The following R3HDM2 variants were observed in gnomAD, a reference collection of about 807,000 sequenced individuals.
R3HDM2 encodes R3H domain containing 2, also known as R3H domain-containing protein 2.
R3HDM2 carries 38 observed loss-of-function variants against 124.5 expected under a neutral mutation model. The ratio of observed to expected loss-of-function variants is 0.31; its 90% confidence interval spans 0.24 to 0.40. R3HDM2 has a LOEUF of 0.40. R3HDM2 is among the 10% of genes least tolerant of loss of function. The pLI is 1.00. For synonymous variants in R3HDM2, 391 were observed against 448.0 expected (o/e 0.87, Z 1.61); for missense variants, 869 against 1,236.9 (o/e 0.70, Z 4.46).
At chr12:57,346,214 T>G (rs1375403717) in intron 2 of R3HDM2, among the ~76,000 whole-genome samples, 1 of 150,376 alleles carries the variant, frequency 6.6e-6, no homozygotes, top group Non-Finnish European at 1.5e-5. Context: ...CCCAGCACTT[T>G]GGGAGGCCGA....
At chr12:57,269,630 A>ATTGCCTTCTCTCTCAG in intron 15 of R3HDM2, 122 bp downstream of exon 15, 1 of 1,492,726 alleles carries the variant, frequency 6.7e-7, no homozygotes, top group East Asian at 2.3e-5. Flanking sequence ...GGCTAGAACA[A>ATTGCCTTCTCTCTCAG]CTCTCAAGTG....
At chr12:57,288,234 G>A (rs992426544) in intron 12 of R3HDM2, among the ~76,000 whole-genome samples, 3 of 151,878 alleles carry the variant, frequency 2.0e-5, no homozygotes, top group Non-Finnish European at 4.4e-5. Flanking sequence ...TTGAACTCCT[G>A]ACCTCGTGAT....
chr12:57,264,143 G>C (rs2041644914), intron 19 of R3HDM2, among the ~76,000 whole-genome samples: 1 of 151,592 alleles, frequency 6.6e-6, no homozygotes, highest in South Asian at 2.1e-4. Context: ...TTGGGAGGCT[G>C]AGGCAGGAGA....
At chr12:57,267,586 T>A (rs1167864163) in intron 18 of R3HDM2, among the ~76,000 whole-genome samples, 1 of 151,444 alleles carries the variant, frequency 6.6e-6, no homozygotes, top group African/African-American at 2.4e-5. Flanking sequence ...ACAAATATAG[T>A]CACATAAAGA....
intron 2 of R3HDM2, among the ~76,000 whole-genome samples, chr12:57,351,154 C>T (rs2060637595): frequency 6.6e-6 from 1 of 152,096 alleles, no homozygotes; most frequent in African/African-American, 2.4e-5. Context: ...GTGGTCCCAG[C>T]TACTCAGAAG....
intron 1 of R3HDM2, among the ~76,000 whole-genome samples, chr12:57,423,335 A>G (rs1219064627): frequency 1.3e-5 from 2 of 151,692 alleles, no homozygotes; most frequent in Non-Finnish European, 2.9e-5. Context: ...AAAGTGGGAG[A>G]CTTGCTTGAA....
At chr12:57,406,518 G>A (rs1233716482) in intron 1 of R3HDM2, among the ~76,000 whole-genome samples, 1 of 151,996 alleles carries the variant, frequency 6.6e-6, no homozygotes, top group Non-Finnish European at 1.5e-5. Context: ...TATACAAATT[G>A]TACCTCAGAG....
chr12:57,255,005 A>G lies in R3HDM2; in HGVS notation c.2741T>C (p.Leu914Pro). ...TCCAGGCAGCCCCTGAGCATCCTTG[A>G]GCCACTGGATCTTGGCGCCAGACAT... ...LAMSGAKIQW[L>P]KDAQGLPGGG... is the part of the protein sequence containing the mutation. The change falls in exon 24 of 24, where the codon CTC becomes CCC. Residue 914 changes from leucine to proline, a missense_variant. By Grantham distance (98) the Leu-to-Pro change is moderately conservative. Around this residue, in one of 2 missense-constraint regions of R3HDM2, gnomAD observed 602 missense variants for 789.2 expected, o/e 0.76. Transcript: ENST00000402412. The G allele has an allele frequency of 6.2e-7, 1 of 1,603,626 alleles. No homozygotes were observed. Among genetic ancestry groups the G allele is most frequent in the Non-Finnish European group, 8.5e-7 (1 of 1,173,794 alleles).
chr12:57,373,226 C>T (rs748873211), intron 2 of R3HDM2, among the ~76,000 whole-genome samples: 84 of 152,086 alleles, frequency 5.5e-4, no homozygotes, highest in Non-Finnish European at 3.2e-4. Context: ...ACAAGCCGGG[C>T]GCGGTGGCTC....
intron 1 of R3HDM2, among the ~76,000 whole-genome samples, chr12:57,421,112 CTG>C (rs1268869819): frequency 1.3e-5 from 2 of 151,470 alleles, no homozygotes; most frequent in Non-Finnish European, 2.9e-5. Flanking sequence ...CTCTCTTGCT[CTG>C]TAGCTTTGTC....
chr12:57,372,031 C>T (rs921565363), intron 2 of R3HDM2, among the ~76,000 whole-genome samples: 1 of 152,158 alleles, frequency 6.6e-6, no homozygotes, highest in Non-Finnish European at 1.5e-5. Context: ...ACACACCGGG[C>T]TAATTTTTTA....
chr12:57,287,105 T>C (rs976492719), intron 12 of R3HDM2, among the ~76,000 whole-genome samples: 1 of 152,194 alleles, frequency 6.6e-6, no homozygotes, highest in East Asian at 1.9e-4. Flanking sequence ...GACACTAAAC[T>C]AAGAATCAGC....
chr12:57,318,590 G>A (rs1368305990), intron 2 of R3HDM2, among the ~76,000 whole-genome samples: 1 of 151,786 alleles, frequency 6.6e-6, no homozygotes, highest in African/African-American at 2.4e-5. Context: ...GGAGGTTGTG[G>A]TGAGCTGAGA....
chr12:57,404,902 GATATCTATAATTAA>G (rs1487813187), intron 1 of R3HDM2, among the ~76,000 whole-genome samples: 1 of 151,752 alleles, frequency 6.6e-6, no homozygotes, highest in Admixed American at 6.6e-5. Flanking sequence ...AAAAAAACAA[GATATCTATAATTAA>G]TATGAGACAA....
intron 2 of R3HDM2, among the ~76,000 whole-genome samples, chr12:57,379,733 G>C (rs1304786350): frequency 6.6e-6 from 1 of 152,068 alleles, no homozygotes; most frequent in African/African-American, 2.4e-5. Flanking sequence ...AAGCAAATAT[G>C]AAGTGGTTAT....
At chr12:57,322,333 G>A (rs1314067095) in intron 2 of R3HDM2, among the ~76,000 whole-genome samples, 1 of 152,172 alleles carries the variant, frequency 6.6e-6, no homozygotes, top group Non-Finnish European at 1.5e-5. Flanking sequence ...GAATCAAACA[G>A]TAGGAACAAA....
chr12:57,398,070 T>C (rs1253129264), intron 1 of R3HDM2, among the ~76,000 whole-genome samples: 1 of 150,080 alleles, frequency 6.7e-6, no homozygotes, highest in Non-Finnish European at 1.5e-5. Context: ...TAATTCCAGC[T>C]ACTCAGGAGG....
chr12:57,287,149 G>A (rs910190542), intron 12 of R3HDM2, among the ~76,000 whole-genome samples: 1 of 152,246 alleles, frequency 6.6e-6, no homozygotes, highest in Non-Finnish European at 1.5e-5. Context: ...TGTAAACTTG[G>A]GCTAGCCACT....
At chr12:57,315,535 G>A (rs1029036305) in intron 2 of R3HDM2, among the ~76,000 whole-genome samples, 8 of 152,118 alleles carry the variant, frequency 5.3e-5, no homozygotes, top group South Asian at 2.1e-4. Context: ...GGTATATTTC[G>A]TCAAATCAAA....
Sources: allele counts gnomAD v4.1 joint callset (sites outside exome capture counted in the v4.1 genomes callset), GRCh38; gene constraint gnomAD v4.1.1; regional missense constraint gnomAD v4.1.1; transcripts MANE v1.5; gene names NCBI Gene and HGNC (gene_info 2026-07-23, HGNC 2026-07-21).